Variants in AFG2A observed in about 807,000 individuals in gnomAD.
AFG2A encodes the protein AAA ATPase AFG2A, also known as ATPase family gene 2 protein homolog A.
At chr4:123,158,969 T>C in the AFG2A span, among the ~76,000 whole-genome samples, 1 of 152,338 alleles carries the variant, frequency 6.6e-6, no homozygotes, top group South Asian at 2.1e-4. Context: ...AGAGGATATG[T>C]GGTAAAAGAG....
At chr4:123,129,500 T>G in the AFG2A span, among the ~76,000 whole-genome samples, 2 of 152,182 alleles carry the variant, frequency 1.3e-5, no homozygotes, top group African/African-American at 4.8e-5. Flanking sequence ...ACTCAGGGGT[T>G]TCATTACTAA....
At chr4:122,940,868 A>G in the AFG2A span, among the ~76,000 whole-genome samples, 1 of 151,236 alleles carries the variant, frequency 6.6e-6, no homozygotes, top group East Asian at 1.9e-4. Flanking sequence ...CAGTTTTCCC[A>G]GCACCATTTA....
At chr4:123,085,700 T>G in the AFG2A span, among the ~76,000 whole-genome samples, 3 of 152,166 alleles carry the variant, frequency 2.0e-5, no homozygotes, top group Non-Finnish European at 4.4e-5. Flanking sequence ...ATGTGTAAAG[T>G]GATTATTGAT....
chr4:122,979,240 G>A, the AFG2A span: 20 of 1,614,116 alleles, frequency 1.2e-5, no homozygotes, highest in Middle Eastern at 3.3e-4. Flanking sequence ...AGGTCTCTGT[G>A]CCTTGCGGAG....
chr4:123,070,210 C>A, the AFG2A span, among the ~76,000 whole-genome samples: 1 of 152,084 alleles, frequency 6.6e-6, no homozygotes, highest in Non-Finnish European at 1.5e-5. Context: ...AAGGTATCTT[C>A]ATTATGCCAA....
the AFG2A span, among the ~76,000 whole-genome samples, chr4:123,289,628 C>T: frequency 1.3e-5 from 2 of 152,184 alleles, no homozygotes; most frequent in Non-Finnish European, 2.9e-5. Context: ...TACCTTCTCA[C>T]CACTAGTGTA....
At chr4:122,948,080 G>A in the AFG2A span, among the ~76,000 whole-genome samples, 1,768 of 152,134 alleles carry the variant, frequency 0.012, 51 homozygotes, top group South Asian at 0.11. Flanking sequence ...TCAACAATAG[G>A]CTATTAGTAG....
chr4:123,210,845 T>G, the AFG2A span, among the ~76,000 whole-genome samples: 1 of 152,146 alleles, frequency 6.6e-6, no homozygotes, highest in African/African-American at 2.4e-5. Flanking sequence ...TTCTACATCC[T>G]TGCCAACCCT....
At chr4:123,007,608 G>GTGTGTGTATATA in the AFG2A span, among the ~76,000 whole-genome samples, 36 of 18,144 alleles carry the variant, frequency 2.0e-3, no homozygotes, top group Admixed American at 5.8e-3. Flanking sequence ...GTGTGTGTGT[G>GTGTGTGTATATA]TATATATATA....
At chr4:123,078,560 C>T in the AFG2A span, among the ~76,000 whole-genome samples, 1 of 152,118 alleles carries the variant, frequency 6.6e-6, no homozygotes, top group Non-Finnish European at 1.5e-5. Flanking sequence ...AGTAGAAGAA[C>T]TAATTTTAAA....
chr4:123,174,680 A>G, the AFG2A span, among the ~76,000 whole-genome samples: 1 of 152,172 alleles, frequency 6.6e-6, no homozygotes, highest in Non-Finnish European at 1.5e-5. Context: ...CTGGTTTACA[A>G]AATTTTAAAA....
chr4:122,930,609 G>A, the AFG2A span, among the ~76,000 whole-genome samples: 2 of 152,136 alleles, frequency 1.3e-5, no homozygotes, highest in South Asian at 4.1e-4. Flanking sequence ...TATATTGCAT[G>A]TATGTATACA....
the AFG2A span, among the ~76,000 whole-genome samples, chr4:123,037,853 A>G: frequency 6.6e-6 from 1 of 152,158 alleles, no homozygotes; most frequent in South Asian, 2.1e-4. Context: ...TCTTTTAAGG[A>G]CTTAGAACAG....
At chr4:123,152,802 A>C in the AFG2A span, among the ~76,000 whole-genome samples, 7 of 152,198 alleles carry the variant, frequency 4.6e-5, no homozygotes, top group African/African-American at 1.4e-4. Flanking sequence ...ACCTGCATAC[A>C]ATGTTTATAG....
At chr4:122,948,387 T>TACACACACAC in the AFG2A span, among the ~76,000 whole-genome samples, 764 of 129,604 alleles carry the variant, frequency 5.9e-3, 11 homozygotes, top group Non-Finnish European at 7.6e-3. Context: ...CTCCAGAGTA[T>TACACACACAC]ACACACACAC....
the AFG2A span, among the ~76,000 whole-genome samples, chr4:122,985,187 G>A: frequency 1.2e-3 from 179 of 150,362 alleles, no homozygotes; most frequent in Non-Finnish European, 1.9e-3. Flanking sequence ...GTGCAATGGT[G>A]CAATCTCGGC....
the AFG2A span, among the ~76,000 whole-genome samples, chr4:123,219,129 C>T: frequency 2.0e-5 from 3 of 152,144 alleles, no homozygotes; most frequent in Non-Finnish European, 2.9e-5. Context: ...CCAGGGAATC[C>T]GACAGTGCAG....
the AFG2A span, among the ~76,000 whole-genome samples, chr4:123,012,660 G>A: frequency 9.9e-5 from 15 of 152,270 alleles, no homozygotes; most frequent in South Asian, 4.1e-4. Context: ...CGGATAAAAC[G>A]CATCTCCTTT....
the AFG2A span, among the ~76,000 whole-genome samples, chr4:123,200,435 C>T: frequency 6.6e-6 from 1 of 152,178 alleles, no homozygotes; most frequent in Non-Finnish European, 1.5e-5. Flanking sequence ...CTTATTAATA[C>T]ATGTTTTTTA....
Sources: allele counts gnomAD v4.1 joint callset (sites outside exome capture counted in the v4.1 genomes callset), GRCh38; gene constraint gnomAD v4.1.1; transcripts MANE v1.5; gene names NCBI Gene and HGNC (gene_info 2026-07-23, HGNC 2026-07-21).